NTRK3: variants seen among roughly 807,000 people sequenced by gnomAD.
The protein encoded by NTRK3 is neurotrophic receptor tyrosine kinase 3.
In NTRK3, 24 loss-of-function variants were observed where a neutral mutation model predicts 91.7. That is an observed-to-expected ratio of 0.26 (90% CI 0.19 to 0.37). The LOEUF is 0.37. Ranked by LOEUF, NTRK3 falls within the 10% of genes least tolerant of loss-of-function variation. The probability of loss-of-function intolerance (pLI) is 1.00; values close to 1 mark genes in which losing one functional copy is unlikely to be tolerated. For missense variants in NTRK3, 880 were observed against 1,068.9 expected, an observed-to-expected ratio of 0.82 and a Z score of 2.46; for synonymous variants, 483 against 404.0, an observed-to-expected ratio of 1.20 and a Z score of -2.34.
At chr15:88,120,266 T>C (rs2052556971) in intron 13 of NTRK3, among the ~76,000 whole-genome samples, 1 of 152,242 alleles carries the variant, frequency 6.6e-6, no homozygotes, top group African/African-American at 2.4e-5. Context: ...GGCAGGATTC[T>C]ACAATCCACT....
chr15:87,863,924 A>C (rs1323453598), exon 19 of NTRK3: 1 of 232,228 alleles, frequency 4.3e-6, no homozygotes, highest in African/African-American at 2.2e-5. Flanking sequence ...GAAAGTATAA[A>C]CTCATAAACA....
intron 13 of NTRK3, among the ~76,000 whole-genome samples, chr15:88,121,759 T>C (rs1402146899): frequency 1.3e-5 from 2 of 152,214 alleles, no homozygotes; most frequent in African/African-American, 4.8e-5. Context: ...GGCTGGCTGA[T>C]AGGGCAGTGC....
At chr15:88,004,178 C>T (rs1311600590) in intron 14 of NTRK3, among the ~76,000 whole-genome samples, 1 of 152,150 alleles carries the variant, frequency 6.6e-6, no homozygotes, top group African/African-American at 2.4e-5. Context: ...AGTATCACTC[C>T]TTCACTATTC....
intron 13 of NTRK3, among the ~76,000 whole-genome samples, chr15:88,048,742 G>A (rs998240951): frequency 2.0e-5 from 3 of 152,116 alleles, no homozygotes; most frequent in Non-Finnish European, 4.4e-5. Context: ...GGGAAGACTT[G>A]GGATTATTAA....
chr15:88,255,477 G>GCCGCCGCTGCCA lies in NTRK3; in HGVS notation c.248+417_248+428dup, dbSNP rs894068603. Among the ~76,000 whole-genome samples the GCCGCCGCTGCCA allele has an allele frequency of 2.0e-5, 3 of 151,954 alleles. No homozygotes were observed. The highest frequency in any genetic ancestry group is 4.4e-5 in the Non-Finnish European group (3 of 67,830). ...TCACCTTCCCTGCCGGCTAAGCGCT[G>GCCGCCGCTGCCA]CCGCCGCTGCCACCGCCGCTGCCGC... On this transcript the variant is annotated intron_variant, in intron 3 of 18. Coordinates refer to ENST00000394480, the Ensembl canonical transcript of NTRK3. The surrounding 1 kb of genome is among the most constrained non-coding windows in gnomAD (Gnocchi z 4.3).
At position 88,025,522 on chromosome 15, in the gene NTRK3, T is replaced by C. The variant is rs536815537; in HGVS notation, c.1585+7335A>G. Among the ~76,000 whole-genome samples the C allele has an allele frequency of 6.6e-5, 10 of 152,318 alleles. No homozygotes were observed. The South Asian group carries it at 2.1e-3, about 32-fold the overall frequency. The stretch of plus-strand genomic sequence containing the variant: ...GCCCCTAAAACTATATGTCTGGTGT[T>C]CTTACAAAAAGGCAGTCTTATGAAG... On this transcript the variant is annotated intron_variant, in intron 14 of 18. Coordinates refer to ENST00000394480, the Ensembl canonical transcript of NTRK3.
At chr15:88,247,173 C>T (rs2052917120) in intron 3 of NTRK3, among the ~76,000 whole-genome samples, 1 of 152,230 alleles carries the variant, frequency 6.6e-6, no homozygotes, top group Admixed American at 6.5e-5. Context: ...GGGTTTAGGA[C>T]TTCGAAGCTA....
chr15:88,228,338 G>A (rs1019630345), intron 3 of NTRK3, among the ~76,000 whole-genome samples: 5 of 152,086 alleles, frequency 3.3e-5, no homozygotes, highest in Admixed American at 1.3e-4. Context: ...ACCTCCCGCT[G>A]GATCTCCCCA....
chr15:88,077,307 C>T (rs2047634552), intron 13 of NTRK3, among the ~76,000 whole-genome samples: 5 of 152,062 alleles, frequency 3.3e-5, no homozygotes, highest in African/African-American at 9.7e-5. Context: ...TGACCCCAGA[C>T]CAATGTTTTA....
chr15:88,029,361 C>A (rs937122795), intron 14 of NTRK3, among the ~76,000 whole-genome samples: 1 of 152,176 alleles, frequency 6.6e-6, no homozygotes, highest in African/African-American at 2.4e-5. Flanking sequence ...TGCAGCCTGA[C>A]ATGCTAGGAA....
At chr15:88,146,819 G>C (rs1353997974) in intron 6 of NTRK3, among the ~76,000 whole-genome samples, 1 of 152,142 alleles carries the variant, frequency 6.6e-6, no homozygotes, top group Non-Finnish European at 1.5e-5. Context: ...AAGTCAAAAG[G>C]TGTGGGTTCA....
At chr15:88,192,835 G>A (rs567802057) in intron 3 of NTRK3, among the ~76,000 whole-genome samples, 1 of 152,078 alleles carries the variant, frequency 6.6e-6, no homozygotes, top group African/African-American at 2.4e-5. Context: ...CACCTTCTCG[G>A]AGAAGCCTGC....
At chr15:88,064,333 T>C (rs1256696966) in intron 13 of NTRK3, among the ~76,000 whole-genome samples, 2 of 152,232 alleles carry the variant, frequency 1.3e-5, no homozygotes, top group Non-Finnish European at 2.9e-5. Context: ...GCCTTAAAAA[T>C]CTAATACCAT....
intron 14 of NTRK3, among the ~76,000 whole-genome samples, chr15:87,955,766 C>T (rs1282562823): frequency 2.0e-5 from 3 of 152,298 alleles, no homozygotes; most frequent in Admixed American, 6.5e-5. Flanking sequence ...CAAAGGAGAT[C>T]GTTGTTGACG....
intron 17 of NTRK3, among the ~76,000 whole-genome samples, chr15:87,888,471 A>G (rs1045650301): frequency 2.0e-5 from 3 of 152,220 alleles, no homozygotes; most frequent in Non-Finnish European, 4.4e-5. Context: ...ACAGGAGAGC[A>G]TCAAGTGCCT....
At chr15:88,052,744 G>C (rs2045339277) in intron 13 of NTRK3, among the ~76,000 whole-genome samples, 1 of 152,204 alleles carries the variant, frequency 6.6e-6, no homozygotes, top group African/African-American at 2.4e-5. Context: ...GAGGGTGTCA[G>C]GGAGGGGAGT....
At chr15:88,170,040 C>T (rs930840089) in intron 5 of NTRK3, among the ~76,000 whole-genome samples, 5 of 152,206 alleles carry the variant, frequency 3.3e-5, no homozygotes, top group Non-Finnish European at 5.9e-5. Context: ...AAGACCTAAA[C>T]TTAATTCACC....
At chr15:88,051,439 G>T (rs1347102310) in intron 13 of NTRK3, among the ~76,000 whole-genome samples, 1 of 152,220 alleles carries the variant, frequency 6.6e-6, no homozygotes, top group Non-Finnish European at 1.5e-5. Flanking sequence ...TAACAGGGAA[G>T]GAAGTTGTTG....
intron 3 of NTRK3, among the ~76,000 whole-genome samples, chr15:88,217,500 A>G (rs2049881642): frequency 6.6e-6 from 1 of 152,250 alleles, no homozygotes; most frequent in African/African-American, 2.4e-5. Flanking sequence ...AGCCAGTCAC[A>G]AAAATACAAA....
Sources: allele counts gnomAD v4.1 joint callset (sites outside exome capture counted in the v4.1 genomes callset), GRCh38; gene constraint gnomAD v4.1.1; non-coding constraint Gnocchi (gnomAD v3.1); transcripts MANE v1.5; gene names NCBI Gene and HGNC (gene_info 2026-07-23, HGNC 2026-07-21).